The following UBE2L5 variants were observed in gnomAD, a reference collection of about 807,000 sequenced individuals.
The protein encoded by UBE2L5 is ubiquitin-conjugating enzyme E2 L5.
UBE2L5 carries 3 observed loss-of-function variants against 10.0 expected under a neutral mutation model. That is an observed-to-expected ratio of 0.30 (90% CI 0.14 to 0.78). The LOEUF (loss-of-function observed/expected upper bound fraction) is 0.78, where lower values mean the gene tolerates loss of function less well. UBE2L5 is among the 30% of genes least tolerant of loss of function. The probability of loss-of-function intolerance (pLI) is 0.65; values close to 1 mark genes in which losing one functional copy is unlikely to be tolerated. For synonymous variants in UBE2L5, 60 were observed against 71.9 expected (o/e 0.83, Z 0.83); for missense variants, 131 against 193.3 (o/e 0.68, Z 1.91).
At position 30,427,724 on chromosome 13, in the gene UBE2L5, A is replaced by C. The variant is rs1319304232; in HGVS notation, c.-267A>C. The C allele has an allele frequency of 4.4e-6, 2 of 450,176 alleles. No homozygotes were observed. Among genetic ancestry groups the C allele is most frequent in the African/African-American group, 4.0e-5 (2 of 49,524 alleles). The allele number at this position is 450,176 out of a possible 1,614,324, so 27.9% of individuals were successfully genotyped here. On this transcript the variant is annotated 5_prime_UTR_variant, in exon 4 of 4. The change abolishes the stop of an existing upstream ORF in the 5' untranslated region. Coordinates refer to ENST00000635918, the MANE Select transcript of UBE2L5 (RefSeq NM_001355247.2). The stretch of plus-strand genomic sequence containing the variant: ...GAGGCCGAGGCGAGAGGATGGCTTG[A>C]ACCCGGGAGGCTGAGGTTGCAATGA...
At position 30,428,458 on chromosome 13, in the gene UBE2L5, T is replaced by G; in HGVS notation, c.*3T>G. On this transcript the variant is annotated 3_prime_UTR_variant, in exon 4 of 4. Transcript: ENST00000635918. ...GGGAAAAGCGACCTGTGGACTAAAA[T>G]GTGCCACGATTGGTTCCAGCAAGTG... 1.9e-6 allele frequency: 3 copies of G among 1,610,956 alleles called. No individual in the cohort carries two copies. In the South Asian group the frequency reaches 3.3e-5, roughly 18 times the overall value.
At position 30,427,901 on chromosome 13, in the gene UBE2L5, C is replaced by G; in HGVS notation, c.-90C>G. On this transcript the variant is annotated 5_prime_UTR_variant, in exon 4 of 4. In the 5' UTR this introduces an upstream ATG that the reference lacks. Coordinates refer to ENST00000635918, the MANE Select transcript of UBE2L5 (RefSeq NM_001355247.2). ...TCAGCGTAAGTTCAAACTGCCACAT[C>G]AGAACGTTATTTGAGTGTATACATA... 1 of 871,714 alleles carries G rather than the reference C, an allele frequency of 1.1e-6. No individual in the cohort carries two copies. Among genetic ancestry groups the G allele is most frequent in the South Asian group, 1.4e-5 (1 of 70,836 alleles). The allele number at this position is 871,714 out of a possible 1,614,324, so 54.0% of individuals were successfully genotyped here. A position where few individuals can be genotyped will look rare whatever the true frequency, so the allele number is the denominator to read the frequency against.
At chr13:30,426,544 C>T (rs1351901244) in intron 2 of UBE2L5, among the ~76,000 whole-genome samples, 181 bp from the exon 3 acceptor site, 1 of 152,198 alleles carries the variant, frequency 6.6e-6, no homozygotes, top group Non-Finnish European at 1.5e-5. Context: ...ATTTTGTACC[C>T]TGACATCTGC....
At chr13:30,423,104 G>A (rs1885488953) in intron 1 of UBE2L5, among the ~76,000 whole-genome samples, 1 of 150,800 alleles carries the variant, frequency 6.6e-6, no homozygotes, top group Non-Finnish European at 1.5e-5. Context: ...ATCATGTCAT[G>A]TATAGTAAAT....
intron 1 of UBE2L5, among the ~76,000 whole-genome samples, chr13:30,424,111 G>A (rs1046717989): frequency 2.6e-5 from 4 of 152,170 alleles, no homozygotes; most frequent in African/African-American, 4.8e-5. Flanking sequence ...GAGAAGCCCG[G>A]GCCACCCTGG....
In UBE2L5 at chr13:30,427,445, A is replaced by C. The variant is rs1885552469; in HGVS notation, c.-546A>C. Reference sequence around the variant, plus strand: ...ACTTTGTGCTGTGAAATGCAAGATGAGCAATCTGATCTGGACATACCAGCC... The same window carrying C: ...ACTTTGTGCTGTGAAATGCAAGATGCGCAATCTGATCTGGACATACCAGCC... On this transcript the variant is annotated 5_prime_UTR_variant, in exon 4 of 4. Coordinates refer to ENST00000635918, the MANE Select transcript of UBE2L5 (RefSeq NM_001355247.2). 6.6e-6 allele frequency: 1 copy of C among 152,354 alleles called. No individual in the cohort carries two copies. The highest frequency in any genetic ancestry group is 6.5e-5 in the Admixed American group (1 of 15,286). 9.4% of individuals were successfully genotyped at this position (152,354 alleles called of 1,614,324 possible).
At chr13:30,426,183 T>A (rs1190791750) in intron 2 of UBE2L5, among the ~76,000 whole-genome samples, 2 of 151,822 alleles carry the variant, frequency 1.3e-5, no homozygotes, top group African/African-American at 2.4e-5. Flanking sequence ...TGGTGGTGGG[T>A]GCCTGTAATC....
chr13:30,423,350 G>A (rs183598434), intron 1 of UBE2L5, among the ~76,000 whole-genome samples: 6 of 152,256 alleles, frequency 3.9e-5, no homozygotes, highest in Admixed American at 3.3e-4. Flanking sequence ...GTGGCTCAAC[G>A]CCTGTAATCC....
chr13:30,427,995 C>T lies in UBE2L5; in HGVS notation c.5C>T (p.Ala2Val). Residue 2 changes from alanine to valine, a missense_variant, in exon 4 of 4, where the codon GCG (alanine) becomes GTG (valine). Coordinates refer to ENST00000635918, the MANE Select transcript of UBE2L5 (RefSeq NM_001355247.2). M[A>V]ASRRLMKELE... ...AGAAGCAGCACCAAATCCAAGATGG[C>T]GGCCAGCAGGAGGCTGATGAAGGAG... The T allele has an allele frequency of 1.9e-6, 3 of 1,556,224 alleles. No individual in the cohort carries two copies. Among genetic ancestry groups the T allele is most frequent in the Non-Finnish European group, 2.7e-6 (3 of 1,127,654 alleles).
rs543346700 is a variant in UBE2L5 at position 30,422,526 on chromosome 13, G to C, written c.-930G>C. The C allele has an allele frequency of 6.6e-6, 1 of 152,268 alleles. No homozygotes were observed. The highest frequency in any genetic ancestry group is 2.4e-5 in the African/African-American group (1 of 41,558). 9.4% of individuals were successfully genotyped at this position (152,268 alleles called of 1,614,324 possible). ...CCGTGAGGCTTCCGGGAGAGGGAAA[G>C]CTGTTCTCCTTTGATGCTCTTTGGT... On this transcript the variant is annotated 5_prime_UTR_variant, in exon 1 of 4. Transcript: ENST00000635918.
At position 30,428,190 on chromosome 13, in the gene UBE2L5, G is replaced by C. The variant is rs1404774117; in HGVS notation, c.200G>C (p.Arg67Thr). Residue 67 changes from arginine to threonine, a missense_variant, in exon 4 of 4, where the codon AGG becomes ACG. Transcript: ENST00000635918. ...GCAGAGTACCCATTCAAACCACCGAGGATCACATTTAAAACAAAGATCTAT... is the reference window on the plus strand; with the variant it reads ...GCAGAGTACCCATTCAAACCACCGACGATCACATTTAAAACAAAGATCTAT... The part of the protein sequence containing the change: ...FPAEYPFKPP[R>T]ITFKTKIYHP... The C allele has an allele frequency of 6.2e-7, 1 of 1,607,194 alleles. No homozygotes were observed. Among genetic ancestry groups the C allele is most frequent in the Non-Finnish European group, 8.5e-7 (1 of 1,173,954 alleles).
rs1885578353 is a variant in UBE2L5 at position 30,428,788 on chromosome 13, C to T, written c.*333C>T. ...ATCAGGATGTTGACACAGTGTCCTA[C>T]CAGAACCCAGGGTTTACTTAGAGAA... On this transcript the variant is annotated 3_prime_UTR_variant, in exon 4 of 4. Coordinates refer to ENST00000635918, the MANE Select transcript of UBE2L5 (RefSeq NM_001355247.2). Among the ~76,000 whole-genome samples the T allele has an allele frequency of 1.3e-5, 2 of 151,048 alleles. No individual in the cohort carries two copies. Among genetic ancestry groups the T allele is most frequent in the South Asian group, 4.2e-4 (2 of 4,784 alleles).
rs1001423614 is a variant in UBE2L5 at position 30,428,124 on chromosome 13, C to T, written c.134C>T (p.Pro45Leu). The change falls in exon 4 of 4, where the codon CCG becomes CTG. Residue 45 changes from proline to leucine, a missense_variant. Physicochemically the swap from Pro to Leu is moderately conservative, Grantham distance 98. Coordinates refer to ENST00000635918, the MANE Select transcript of UBE2L5 (RefSeq NM_001355247.2). ...GGGCTTATTGTTCCTGACAACCCTC[C>T]GTATAATAAGGGGGCCTTCAGAATC... ...WQGLIVPDNP[P>L]YNKGAFRIEI... 1 of 1,608,536 alleles carries T rather than the reference C, an allele frequency of 6.2e-7. No homozygotes were observed. The highest frequency in any genetic ancestry group is 8.5e-7 in the Non-Finnish European group (1 of 1,174,946).
chr13:30,423,446 TA>T (rs1439847645), intron 1 of UBE2L5, among the ~76,000 whole-genome samples: 1 of 151,962 alleles, frequency 6.6e-6, no homozygotes, highest in Non-Finnish European at 1.5e-5. Flanking sequence ...ACTCCATCTC[TA>T]AAAAAATACA....
intron 1 of UBE2L5, among the ~76,000 whole-genome samples, chr13:30,423,250 C>T (rs1042650402): frequency 2.0e-5 from 3 of 152,162 alleles, no homozygotes; most frequent in Non-Finnish European, 4.4e-5. Flanking sequence ...TACAATAAAG[C>T]AGATACAATA....
In UBE2L5 at chr13:30,429,257, C is replaced by A. The variant is rs1233035909; in HGVS notation, c.*802C>A. Among the ~76,000 whole-genome samples, 1 of 151,942 alleles carries A rather than the reference C, an allele frequency of 6.6e-6. No homozygotes were observed. Among genetic ancestry groups the A allele is most frequent in the Non-Finnish European group, 1.5e-5 (1 of 68,012 alleles). ...CCCAGATTGCGCCATTGCACTCCAG[C>A]CTGGGCAACAAGAGCAAAACTCTGT... On this transcript the variant is annotated 3_prime_UTR_variant, in exon 4 of 4. Transcript: ENST00000635918.
At chr13:30,426,148 T>G (rs983282054) in intron 2 of UBE2L5, among the ~76,000 whole-genome samples, 1 of 150,952 alleles carries the variant, frequency 6.6e-6, no homozygotes, top group Non-Finnish European at 1.5e-5. Context: ...CCATCTCTAC[T>G]AAAAATACAA....
At chr13:30,422,741 C>G (rs1163617363) in intron 1 of UBE2L5, 64 bp downstream of exon 1, 1 of 152,162 alleles carries the variant, frequency 6.6e-6, no homozygotes, top group Non-Finnish European at 1.5e-5. Context: ...TAACATCGGT[C>G]AGCGGGTGAC....
chr13:30,426,132 G>A (rs952886037), intron 2 of UBE2L5, among the ~76,000 whole-genome samples: 1 of 151,832 alleles, frequency 6.6e-6, no homozygotes, highest in Non-Finnish European at 1.5e-5. Flanking sequence ...CCAACACGGC[G>A]AAACCCCATC....
Sources: allele counts gnomAD v4.1 joint callset (sites outside exome capture counted in the v4.1 genomes callset), GRCh38; gene constraint gnomAD v4.1.1; transcripts MANE v1.5; gene names NCBI Gene and HGNC (gene_info 2026-07-23, HGNC 2026-07-21).